The following CASZ1 variants were observed in gnomAD, a reference collection of about 807,000 sequenced individuals.
CASZ1 encodes the protein castor zinc finger 1.
In CASZ1, 28 loss-of-function variants were observed where a neutral mutation model predicts 135.2. The observed-to-expected ratio is 0.21, with a 90% CI of 0.15 to 0.28. CASZ1 has a LOEUF of 0.28. Among genes scored for constraint, CASZ1 ranks in the 10% least tolerant of loss-of-function variants. The probability of loss-of-function intolerance (pLI) is 1.00; values close to 1 mark genes in which losing one functional copy is unlikely to be tolerated. For synonymous variants in CASZ1, 1,068 were observed against 1,073.4 expected (o/e 0.99, Z 0.10); for missense variants, 2,161 against 2,453.3 (o/e 0.88, Z 2.52).
At chr1:10,648,389 T>C in intron 15 of CASZ1, 1 of 430,942 alleles carries the variant, frequency 2.3e-6, no homozygotes, top group Non-Finnish European at 4.1e-6. Flanking sequence ...CCTTCCTCGG[T>C]CCCCAGCTCC....
At chr1:10,687,619 A>C (rs924332124) in intron 4 of CASZ1, among the ~76,000 whole-genome samples, 3 of 152,220 alleles carry the variant, frequency 2.0e-5, no homozygotes, top group Admixed American at 1.3e-4. Context: ...GGGGAAGAGA[A>C]TGAGAGAGGG....
rs1023935831 is a variant in CASZ1, at chr1:10,772,653, C to T, written c.-233-11796G>A. 5.3e-5 allele frequency among the ~76,000 whole-genome samples: 8 copies of T among 152,170 alleles called. No individual in the cohort carries two copies. In the South Asian group the frequency reaches 1.2e-3, roughly 24 times the overall value. ...GACCCCAGAAGCTCGGCCAGTTTAACGAGGGCAGGGTGTCCACCTGAGTGC... is the reference window on the plus strand; with the variant it reads ...GACCCCAGAAGCTCGGCCAGTTTAATGAGGGCAGGGTGTCCACCTGAGTGC... On this transcript the variant is annotated intron_variant, in intron 1 of 20. Coordinates refer to ENST00000377022, the MANE Select transcript of CASZ1 (RefSeq NM_001079843.3).
chr1:10,650,460 GA>G (rs1642530844), intron 13 of CASZ1: 77 of 427,778 alleles, frequency 1.8e-4, no homozygotes, highest in South Asian at 3.7e-4. Context: ...CATCTGAAGG[GA>G]AAAAAAGGTG....
chr1:10,686,579 C>A (rs894448671), intron 4 of CASZ1, among the ~76,000 whole-genome samples: 4 of 152,338 alleles, frequency 2.6e-5, no homozygotes, highest in Middle Eastern at 3.4e-3. Flanking sequence ...GGCTTCCCCC[C>A]AGGCCGTCTC....
chr1:10,656,034 G>T (rs1367638537), intron 8 of CASZ1, among the ~76,000 whole-genome samples: 1 of 152,204 alleles, frequency 6.6e-6, no homozygotes, highest in Non-Finnish European at 1.5e-5. Context: ...CTTCCCCGAT[G>T]CTCCCCTAGG....
intron 3 of CASZ1, 83 bp from the exon 4 acceptor site, chr1:10,693,995 C>T: frequency 7.3e-7 from 1 of 1,362,752 alleles, no homozygotes. Flanking sequence ...GCCCGCCCTG[C>T]TTGTCCCCCG....
intron 20 of CASZ1, chr1:10,642,128 C>G (rs969611010): frequency 7.1e-6 from 1 of 141,074 alleles, no homozygotes; most frequent in Non-Finnish European, 1.5e-5. Context: ...AGGCCCCGGC[C>G]GGCTCCGAGA....
At position 10,735,895 on chromosome 1, in the gene CASZ1, G is replaced by A. The variant is rs773636446; in HGVS notation, c.-77+24806C>T. Among the ~76,000 whole-genome samples, 11 of 152,140 alleles carry A rather than the reference G, an allele frequency of 7.2e-5. No homozygotes were observed. The highest frequency in any genetic ancestry group is 1.3e-4 in the Non-Finnish European group (9 of 68,026). ...CCCAGGCACATCAGGTTGAAAATGT[G>A]CTTTTTCAGCCAGCTCTGGTCAAGT... On this transcript the variant is annotated intron_variant, in intron 2 of 20. Coordinates refer to ENST00000377022, the MANE Select transcript of CASZ1 (RefSeq NM_001079843.3). This position sits in a 1 kb window ranked among gnomAD's most constrained non-coding sequence, Gnocchi z 5.1.
chr1:10,659,575 A>T, intron 6 of CASZ1, 127 bp downstream of exon 6: 16 of 719,542 alleles, frequency 2.2e-5, no homozygotes, highest in Admixed American at 7.2e-5. Context: ...GCCTGGATGC[A>T]CAGTGGATGT....
rs562443512 is a variant in CASZ1, at chr1:10,731,541, G to A, written c.-76-25997C>T. 1.5e-4 allele frequency among the ~76,000 whole-genome samples: 23 copies of A among 152,244 alleles called. No individual in the cohort carries two copies. The South Asian group carries it at 2.9e-3, about 19-fold the overall frequency. On this transcript the variant is annotated intron_variant, in intron 2 of 20. Coordinates refer to ENST00000377022, the MANE Select transcript of CASZ1 (RefSeq NM_001079843.3). ...TGAGGCTGCAGTGAGCTCTGATTGC[G>A]CCACTGAACTCCAGCCTGGGTGACA... is the stretch of plus-strand genomic sequence containing the variant.
In CASZ1 at chr1:10,660,418, C is replaced by T; in HGVS notation, c.624G>A (p.Lys208=). 6.2e-7 allele frequency: 1 copy of T among 1,614,210 alleles called. No individual in the cohort carries two copies. The highest frequency in any genetic ancestry group is 1.1e-5 in the South Asian group (1 of 91,090). Reference sequence around the variant, plus strand: ...CCTCCGGGGTGGAGCCCGCGTGCAGCTTCTCAAAGCTGATCTTCCTGGCCA... The same window carrying T: ...CCTCCGGGGTGGAGCCCGCGTGCAGTTTCTCAAAGCTGATCTTCCTGGCCA... The part of the protein sequence containing the change: ...DELARKISFE[K]LHAGSTPEAA... The change falls in exon 6 of 21, where the codon AAG becomes AAA. Residue 208 remains lysine, a synonymous_variant. Transcript: ENST00000377022.
At position 10,653,561 on chromosome 1, in the gene CASZ1, G is replaced by A. The variant is rs369964407; in HGVS notation, c.2496C>T (p.Ala832=). The A allele has an allele frequency of 1.5e-5, 24 of 1,579,648 alleles. No homozygotes were observed. Among genetic ancestry groups the A allele is most frequent in the Middle Eastern group, 1.7e-4 (1 of 5,898 alleles). Residue 832 remains alanine (A), a synonymous_variant, in exon 11 of 21, where the codon GCC becomes GCT. Coordinates refer to ENST00000377022, the MANE Select transcript of CASZ1 (RefSeq NM_001079843.3). The part of the protein sequence containing the change: ...GAVSSGSAAS[A]TPDTPTLVAS... ...CGACCAGCGTGGGTGTGTCAGGGGT[G>A]GCTGAGGCTGCTGACCCAGACGACA...
chr1:10,685,634 C>T lies in CASZ1; in HGVS notation c.16+8240G>A, dbSNP rs917625728. ...ACCCGGGAGCCCTCAGAGTGGCCTC[C>T]GCTGTTTTCTCTCTGAGCCACTGAT... On this transcript the variant is annotated intron_variant, in intron 4 of 20. Coordinates refer to ENST00000377022, the MANE Select transcript of CASZ1 (RefSeq NM_001079843.3). 2.6e-5 allele frequency among the ~76,000 whole-genome samples: 4 copies of T among 152,224 alleles called. 1 individual carries two copies. The highest frequency in any genetic ancestry group is 5.9e-5 in the Non-Finnish European group (4 of 68,032).
rs1640970250 is a variant in CASZ1 at position 10,792,276 on chromosome 1, A to C, written c.-234+4288T>G. Among the ~76,000 whole-genome samples the C allele has an allele frequency of 2.2e-5, 3 of 137,566 alleles. No individual in the cohort carries two copies. The South Asian group carries it at 7.3e-4, about 34-fold the overall frequency. The allele number at this position is 137,566 out of a possible 152,430, so 90.2% of individuals were successfully genotyped here. ...GCATTGAACCTTCTGGCCAGATATA[A>C]ATTTATTTATGAAAGCCAAATGCTC... is the stretch of plus-strand genomic sequence containing the variant. On this transcript the variant is annotated intron_variant, in intron 1 of 20. Coordinates refer to ENST00000377022, the MANE Select transcript of CASZ1 (RefSeq NM_001079843.3).
chr1:10,656,960 A>G (rs902533967), intron 7 of CASZ1, among the ~76,000 whole-genome samples: 1 of 152,182 alleles, frequency 6.6e-6, no homozygotes, highest in African/African-American at 2.4e-5. Context: ...TGAGGTGGCC[A>G]AAAGTCAAAG....
intron 4 of CASZ1, among the ~76,000 whole-genome samples, chr1:10,684,143 C>T (rs1638510881): frequency 6.6e-6 from 1 of 151,488 alleles, no homozygotes; most frequent in African/African-American, 2.4e-5. Flanking sequence ...AGGTGTGGCT[C>T]TCTCGGAAGG....
intron 2 of CASZ1, among the ~76,000 whole-genome samples, chr1:10,760,063 T>G (rs567059495): frequency 2.0e-5 from 3 of 152,312 alleles, no homozygotes; most frequent in African/African-American, 7.2e-5. Flanking sequence ...TACCCCTCCC[T>G]GGCATGAGTG....
intron 1 of CASZ1, among the ~76,000 whole-genome samples, chr1:10,769,138 TC>T (rs1305321118): frequency 6.6e-6 from 1 of 152,112 alleles, no homozygotes; most frequent in Non-Finnish European, 1.5e-5. Context: ...AGCCTCCGTC[TC>T]AAAAAAGAAA....
At position 10,660,055 on chromosome 1, in the gene CASZ1, G is replaced by T; in HGVS notation, c.987C>A (p.Asn329Lys). Residue 329 changes from asparagine (N) to lysine (K), a missense_variant, in exon 6 of 21, where the codon AAC becomes AAA. Physicochemically the swap from Asn to Lys is moderately conservative, Grantham distance 94 (BLOSUM62 0). This residue lies in a region of CASZ1 where 590 missense variants were observed against 609.8 expected (regional missense o/e 0.97). Coordinates refer to ENST00000377022, the MANE Select transcript of CASZ1 (RefSeq NM_001079843.3). ...TGGATGGCTTCTTGTAGGTGCTCCC[G>T]TTCTGGGGCCGCAGATTCTCGCCGG... ...LKTGENLRPQ[N>K]GSTYKKPSKY... is the part of the protein sequence containing the mutation. 6.2e-7 allele frequency: 1 copy of T among 1,614,162 alleles called. No individual in the cohort carries two copies. The highest frequency in any genetic ancestry group is 8.5e-7 in the Non-Finnish European group (1 of 1,180,016).
Sources: allele counts gnomAD v4.1 joint callset (sites outside exome capture counted in the v4.1 genomes callset), GRCh38; gene constraint gnomAD v4.1.1; regional missense constraint gnomAD v4.1.1; non-coding constraint Gnocchi (gnomAD v3.1); transcripts MANE v1.5; gene names NCBI Gene and HGNC (gene_info 2026-07-23, HGNC 2026-07-21).